The following SYT14 variants were observed in gnomAD, a reference collection of about 807,000 sequenced individuals.
SYT14 encodes synaptotagmin-14.
A neutral mutation model predicts 74.2 loss-of-function variants in SYT14; 32 were observed. The observed-to-expected ratio is 0.43, with a 90% CI of 0.33 to 0.58. The LOEUF (loss-of-function observed/expected upper bound fraction) is 0.58, where lower values mean the gene tolerates loss of function less well. Ranked by LOEUF, SYT14 falls within the 20% of genes least tolerant of loss-of-function variation. The pLI is 0.05. For missense variants in SYT14, 791 were observed against 981.8 expected, an observed-to-expected ratio of 0.81 and a Z score of 2.60; for synonymous variants, 298 against 337.7, an observed-to-expected ratio of 0.88 and a Z score of 1.29.
At chr1:210,077,436 G>A (rs2081523484) in intron 5 of SYT14, among the ~76,000 whole-genome samples, 2 of 152,164 alleles carry the variant, frequency 1.3e-5, no homozygotes, top group Admixed American at 1.3e-4. Flanking sequence ...CATATCAATT[G>A]CCAAATAGTA....
intron 2 of SYT14, among the ~76,000 whole-genome samples, chr1:210,012,771 G>A (rs376992773): frequency 1.3e-5 from 2 of 150,122 alleles, no homozygotes; most frequent in Non-Finnish European, 3.0e-5. Flanking sequence ...GCGCGATCTC[G>A]GCTCACTGCA....
rs919614102 is a variant in SYT14 at position 209,992,651 on chromosome 1, G to A, written c.-485-20982G>A. On this transcript the variant is annotated intron_variant, in intron 2 of 9. Transcript: ENST00000637265. ...TGCAATATATCTTTGTAACAAAATG[G>A]CACTTAAACCCCCTGAATTTATAAA... Among the ~76,000 whole-genome samples the A allele has an allele frequency of 5.1e-4, 77 of 151,450 alleles. 5 individuals are homozygous for A. Among genetic ancestry groups the A allele is most frequent in the Non-Finnish European group, 4.4e-5 (3 of 67,864 alleles).
exon 10 of SYT14, chr1:210,161,568 T>C (rs2083373639): frequency 2.2e-6 from 1 of 453,966 alleles, no homozygotes; most frequent in Non-Finnish European, 4.4e-6. Context: ...TTGTTTTATT[T>C]CAGGCATGTT....
At chr1:210,013,918 T>G (rs1350585162) in intron 3 of SYT14, 121 bp downstream of exon 3, 12 of 966,150 alleles carry the variant, frequency 1.2e-5, no homozygotes, top group Non-Finnish European at 1.8e-5. Flanking sequence ...TTTGAGCTAC[T>G]GTTCTGTAAA....
chr1:210,092,167 T>A (rs2081880612), intron 5 of SYT14, among the ~76,000 whole-genome samples: 1 of 152,224 alleles, frequency 6.6e-6, no homozygotes, highest in Non-Finnish European at 1.5e-5. Flanking sequence ...ATAGTTTTTT[T>A]TCTTTTTCTT....
intron 2 of SYT14, among the ~76,000 whole-genome samples, chr1:209,954,396 C>A (rs575062922): frequency 6.6e-6 from 1 of 151,898 alleles, no homozygotes; most frequent in East Asian, 1.9e-4. Context: ...CTATATTAGT[C>A]TAGCTTTTTT....
At chr1:210,139,268 T>C (rs1023171252) in intron 7 of SYT14, among the ~76,000 whole-genome samples, 1 of 130,954 alleles carries the variant, frequency 7.6e-6, no homozygotes, top group Non-Finnish European at 1.7e-5. Context: ...CTTTTTTCTT[T>C]TTTTTTTTTT....
chr1:210,012,223 G>C (rs780865498), intron 2 of SYT14, among the ~76,000 whole-genome samples: 60 of 152,152 alleles, frequency 3.9e-4, no homozygotes, highest in Admixed American at 2.0e-4. Context: ...TTCAGCACTG[G>C]AATAAGTGTT....
chr1:210,054,222 A>G (rs2081054694), intron 5 of SYT14, among the ~76,000 whole-genome samples: 1 of 152,136 alleles, frequency 6.6e-6, no homozygotes, highest in Non-Finnish European at 1.5e-5. Flanking sequence ...TTGAATATTC[A>G]TCTCTTAAGA....
chr1:209,978,443 G>C (rs1475667709), intron 2 of SYT14, among the ~76,000 whole-genome samples: 1 of 152,180 alleles, frequency 6.6e-6, no homozygotes, highest in Non-Finnish European at 1.5e-5. Context: ...CTCAGCTGCA[G>C]GTCTGTTGGA....
chr1:209,955,101 G>T (rs1012441752), intron 2 of SYT14, among the ~76,000 whole-genome samples: 7 of 152,118 alleles, frequency 4.6e-5, no homozygotes, highest in African/African-American at 7.2e-5. Flanking sequence ...TGTACCAGGG[G>T]TTTGGTCCTG....
At chr1:209,966,025 C>A (rs1039311662) in intron 2 of SYT14, 4 of 423,024 alleles carry the variant, frequency 9.5e-6, no homozygotes, top group African/African-American at 6.2e-5. Context: ...TGCGTGCCCA[C>A]CACACCCAGC....
rs997785313 is a variant in SYT14 at position 210,102,916 on chromosome 1, G to T, written c.2034+2455G>T. On this transcript the variant is annotated intron_variant, in intron 7 of 9. Transcript: ENST00000637265. ...TAGTCTTGAACTCCTGGCCTGAAGCGATTCTCCCATGTCAGTCTCCCAAAA... is the reference window on the plus strand; with the variant it reads ...TAGTCTTGAACTCCTGGCCTGAAGCTATTCTCCCATGTCAGTCTCCCAAAA... Among the ~76,000 whole-genome samples the T allele has an allele frequency of 3.3e-5, 5 of 151,904 alleles. No individual in the cohort carries two copies. The South Asian group carries it at 1.0e-3, about 32-fold the overall frequency.
chr1:210,089,141 GT>G (rs2081809727), intron 5 of SYT14, among the ~76,000 whole-genome samples: 1 of 151,982 alleles, frequency 6.6e-6, no homozygotes, highest in Admixed American at 6.6e-5. Flanking sequence ...TTGGTTTTCT[GT>G]TCCTGTGTTA....
At position 210,021,028 on chromosome 1, in the gene SYT14, A is replaced by T. The variant is rs752948539; in HGVS notation, c.1097-11A>T. On this transcript the variant is annotated splice_polypyrimidine_tract_variant and intron_variant, in intron 4 of 9. Coordinates refer to ENST00000637265, the Ensembl canonical transcript of SYT14. The stretch of plus-strand genomic sequence containing the variant: ...TCAATTACCGTTTGTTCTTCATGTC[A>T]TTCCAAATAGATAATTCCTACATGG... 1 of 1,612,662 alleles carries T rather than the reference A, an allele frequency of 6.2e-7. No individual in the cohort carries two copies. The highest frequency in any genetic ancestry group is 1.7e-5 in the Admixed American group (1 of 60,006).
intron 2 of SYT14, among the ~76,000 whole-genome samples, chr1:210,008,563 A>G (rs914689373): frequency 2.6e-5 from 4 of 152,054 alleles, no homozygotes; most frequent in Non-Finnish European, 5.9e-5. Context: ...GGGGTTTGCC[A>G]TGTTAGCCAG....
chr1:209,941,471 A>G (rs114897643), intron 1 of SYT14, among the ~76,000 whole-genome samples: 256 of 152,328 alleles, frequency 1.7e-3, no homozygotes, highest in African/African-American at 5.9e-3. Flanking sequence ...GCTATCCAGC[A>G]TATTAATTCT....
chr1:209,998,164 T>C (rs2079832166), intron 2 of SYT14, among the ~76,000 whole-genome samples: 1 of 152,004 alleles, frequency 6.6e-6, no homozygotes, highest in Non-Finnish European at 1.5e-5. Context: ...ACACCAATAA[T>C]GAGTAGCTGA....
intron 2 of SYT14, among the ~76,000 whole-genome samples, chr1:209,964,295 C>G (rs2079121403): frequency 6.6e-6 from 1 of 152,194 alleles, no homozygotes; most frequent in South Asian, 2.1e-4. Flanking sequence ...GCCTTCCCAG[C>G]CGTGTAGAAC....
Sources: gnomAD v4.1 joint callset for allele counts (sites outside exome capture counted in the v4.1 genomes callset) on GRCh38, gnomAD v4.1.1 for gene constraint, MANE v1.5 for transcripts, NCBI Gene and HGNC (gene_info 2026-07-23, HGNC 2026-07-21) for gene names.